Variants in PPP3CA observed in about 807,000 individuals in gnomAD.
PPP3CA encodes CAM-PRP catalytic subunit.
In PPP3CA, 14 loss-of-function variants were observed where a neutral mutation model predicts 66.5. That is an observed-to-expected ratio of 0.21 (90% CI 0.14 to 0.33). PPP3CA has a LOEUF of 0.33. PPP3CA is among the 10% of genes least tolerant of loss of function. The probability of loss-of-function intolerance (pLI) is 1.00; values close to 1 mark genes in which losing one functional copy is unlikely to be tolerated. For synonymous variants in PPP3CA, 232 were observed against 226.2 expected (o/e 1.03, Z -0.23); for missense variants, 317 against 639.5 (o/e 0.50, Z 5.44).
At chr4:101,065,864 G>A (rs1467810709) in intron 8 of PPP3CA, among the ~76,000 whole-genome samples, 1 of 152,052 alleles carries the variant, frequency 6.6e-6, no homozygotes, top group African/African-American at 2.4e-5. Flanking sequence ...GTTCTGTTTT[G>A]CAGTTGGTGA....
At chr4:101,218,340 T>C (rs1256683798) in intron 1 of PPP3CA, among the ~76,000 whole-genome samples, 1 of 152,076 alleles carries the variant, frequency 6.6e-6, no homozygotes, top group African/African-American at 2.4e-5. Context: ...GTCTTTACTA[T>C]CAAATACTAT....
intron 2 of PPP3CA, among the ~76,000 whole-genome samples, chr4:101,168,264 G>T (rs1289226527): frequency 1.3e-5 from 2 of 152,174 alleles, no homozygotes; most frequent in Non-Finnish European, 2.9e-5. Context: ...ATAGTTGTGT[G>T]TAATAAGATG....
chr4:101,085,580 A>G (rs1279790667), intron 6 of PPP3CA, among the ~76,000 whole-genome samples: 1 of 152,166 alleles, frequency 6.6e-6, no homozygotes, highest in Non-Finnish European at 1.5e-5. Context: ...ATTTTGAAGA[A>G]AAACTTCAGA....
At chr4:101,299,500 G>T (rs773939350) in intron 1 of PPP3CA, among the ~76,000 whole-genome samples, 8 of 151,854 alleles carry the variant, frequency 5.3e-5, no homozygotes, top group Non-Finnish European at 8.8e-5. Context: ...GAGCCATCAT[G>T]CCTGGCTCAA....
At chr4:101,063,081 GACAC>G (rs1728542793) in intron 9 of PPP3CA, 147 bp downstream of exon 9, 1 of 907,634 alleles carries the variant, frequency 1.1e-6, no homozygotes, top group Non-Finnish European at 1.6e-6. Flanking sequence ...GATACAGAGT[GACAC>G]ACTGCCACTT....
chr4:101,315,541 C>T (rs575344383), intron 1 of PPP3CA, among the ~76,000 whole-genome samples: 23 of 152,202 alleles, frequency 1.5e-4, no homozygotes, highest in South Asian at 1.0e-3. Context: ...TCATTCAAGA[C>T]GCAGAAATAT....
chr4:101,088,489 G>A (rs1294337573), intron 6 of PPP3CA, among the ~76,000 whole-genome samples: 1 of 150,518 alleles, frequency 6.6e-6, no homozygotes, highest in Non-Finnish European at 1.5e-5. Flanking sequence ...GGAAGCTGAG[G>A]CAGGAGAATG....
At chr4:101,072,734 T>A (rs993380602) in intron 8 of PPP3CA, among the ~76,000 whole-genome samples, 4 of 151,854 alleles carry the variant, frequency 2.6e-5, no homozygotes, top group Middle Eastern at 3.2e-3. Flanking sequence ...CTGAAGATTT[T>A]AAAAAATATG....
At chr4:101,342,150 A>G (rs1280186993) in intron 1 of PPP3CA, among the ~76,000 whole-genome samples, 1 of 152,236 alleles carries the variant, frequency 6.6e-6, no homozygotes, top group Non-Finnish European at 1.5e-5. Flanking sequence ...ATTTTTAAAC[A>G]AATCTTAGAG....
At chr4:101,033,121 T>C (rs1489679155) in intron 11 of PPP3CA, among the ~76,000 whole-genome samples, 1 of 152,128 alleles carries the variant, frequency 6.6e-6, no homozygotes, top group Non-Finnish European at 1.5e-5. Flanking sequence ...TAAATCCTCA[T>C]AATTAAATAA....
intron 2 of PPP3CA, among the ~76,000 whole-genome samples, chr4:101,120,757 T>A (rs1191307705): frequency 6.6e-6 from 1 of 152,010 alleles, no homozygotes; most frequent in Non-Finnish European, 1.5e-5. Context: ...TATATAAAAG[T>A]TTTTTTATAT....
At chr4:101,280,626 C>A (rs1668175550) in intron 1 of PPP3CA, among the ~76,000 whole-genome samples, 2 of 151,986 alleles carry the variant, frequency 1.3e-5, no homozygotes, top group Admixed American at 1.3e-4. Flanking sequence ...TCGAGACCGG[C>A]CTAGCCAACA....
At chr4:101,071,972 T>G (rs1450799845) in intron 8 of PPP3CA, among the ~76,000 whole-genome samples, 1 of 152,228 alleles carries the variant, frequency 6.6e-6, no homozygotes, top group African/African-American at 2.4e-5. Context: ...ATAGTTTATA[T>G]TCTACCATCC....
At chr4:101,229,392 T>C (rs997338324) in intron 1 of PPP3CA, among the ~76,000 whole-genome samples, 4 of 151,544 alleles carry the variant, frequency 2.6e-5, no homozygotes, top group African/African-American at 9.7e-5. Flanking sequence ...TGCTGCTGAT[T>C]CCCCTGTACA....
chr4:101,324,312 G>T (rs1342617794), intron 1 of PPP3CA, among the ~76,000 whole-genome samples: 1 of 152,060 alleles, frequency 6.6e-6, no homozygotes, highest in East Asian at 1.9e-4. Context: ...GCAGAGCCAG[G>T]ATTCAATGCA....
intron 1 of PPP3CA, among the ~76,000 whole-genome samples, chr4:101,256,660 TG>T (rs1726853445): frequency 6.6e-6 from 1 of 151,998 alleles, no homozygotes; most frequent in Non-Finnish European, 1.5e-5. Flanking sequence ...AGAGTTTTAA[TG>T]ATGGAAGGAG....
intron 1 of PPP3CA, among the ~76,000 whole-genome samples, chr4:101,324,154 G>GAGGAAGGGAGGA (rs1729131788): frequency 6.0e-5 from 4 of 66,414 alleles, no homozygotes; most frequent in Non-Finnish European, 1.3e-4. Context: ...GGAAGGGAGG[G>GAGGAAGGGAGGA]AGGAAGGAAG....
intron 1 of PPP3CA, among the ~76,000 whole-genome samples, chr4:101,251,010 G>T (rs185512309): frequency 4.9e-4 from 74 of 152,142 alleles, no homozygotes; most frequent in African/African-American, 1.7e-3. Context: ...TCCTGTAAGA[G>T]AATAATGTTT....
intron 5 of PPP3CA, among the ~76,000 whole-genome samples, chr4:101,097,627 CTCTA>C (rs1447242229): frequency 2.0e-5 from 3 of 152,096 alleles, no homozygotes; most frequent in African/African-American, 7.2e-5. Context: ...TTTTATTACT[CTCTA>C]TCTTTTACAT....
Sources: gnomAD v4.1 joint callset for allele counts (sites outside exome capture counted in the v4.1 genomes callset) on GRCh38, gnomAD v4.1.1 for gene constraint, MANE v1.5 for transcripts, NCBI Gene and HGNC (gene_info 2026-07-23, HGNC 2026-07-21) for gene names.